Variants in MAGI2 observed in about 807,000 individuals in gnomAD.
The protein encoded by MAGI2 is membrane-associated guanylate kinase, WW and PDZ domain-containing protein 2.
Under a neutral mutation model 133.3 loss-of-function variants are expected in MAGI2, and 35 were observed. That is an observed-to-expected ratio of 0.26 (90% CI 0.20 to 0.35). MAGI2 has a LOEUF of 0.35. MAGI2 is among the 10% of genes least tolerant of loss of function. The probability of loss-of-function intolerance (pLI) is 1.00; values close to 1 mark genes in which losing one functional copy is unlikely to be tolerated. For synonymous variants in MAGI2, 729 were observed against 710.6 expected (o/e 1.03, Z -0.41); for missense variants, 1,636 against 1,863.4 (o/e 0.88, Z 2.25).
chr7:78,356,862 T>C (rs1792136288), intron 7 of MAGI2, among the ~76,000 whole-genome samples: 1 of 152,218 alleles, frequency 6.6e-6, no homozygotes, highest in African/African-American at 2.4e-5. Flanking sequence ...CCACTTCCAA[T>C]GAGTCTGAGT....
chr7:79,071,431 G>A (rs1814957315), intron 1 of MAGI2, among the ~76,000 whole-genome samples: 1 of 152,080 alleles, frequency 6.6e-6, no homozygotes, highest in Non-Finnish European at 1.5e-5. Flanking sequence ...GGGGGTCAGG[G>A]ACCCACTTGA....
intron 1 of MAGI2, among the ~76,000 whole-genome samples, chr7:79,113,284 G>A (rs573059985): frequency 6.6e-6 from 1 of 152,294 alleles, no homozygotes; most frequent in East Asian, 1.9e-4. Context: ...AACAGTGGCA[G>A]TGCCAACCTT....
intron 21 of MAGI2, among the ~76,000 whole-genome samples, chr7:78,052,083 C>T (rs1812067462): frequency 6.6e-6 from 1 of 152,054 alleles, no homozygotes; most frequent in Admixed American, 6.5e-5. Flanking sequence ...GCTGCCCAGA[C>T]TGGTCTTGAA....
At chr7:78,430,073 A>G (rs1799648532) in intron 6 of MAGI2, among the ~76,000 whole-genome samples, 1 of 152,106 alleles carries the variant, frequency 6.6e-6, no homozygotes, top group East Asian at 1.9e-4. Flanking sequence ...TCATTTGGCT[A>G]TCTTGTTAAA....
At position 78,698,206 on chromosome 7, in the gene MAGI2, C is replaced by G. The variant is rs548182853; in HGVS notation, c.419-70967G>C. 3.3e-5 allele frequency among the ~76,000 whole-genome samples: 5 copies of G among 152,318 alleles called. No homozygotes were observed. The South Asian group carries it at 1.0e-3, about 32-fold the overall frequency. ...GTGAAATCAAATGAGTTTGTCAAAA[C>G]TGTGCTGATCAAATAAAATCTTCCT... On this transcript the variant is annotated intron_variant, in intron 2 of 21. Coordinates refer to ENST00000354212, the MANE Select transcript of MAGI2 (RefSeq NM_012301.4).
At chr7:79,347,090 G>A (rs1285535460) in intron 1 of MAGI2, among the ~76,000 whole-genome samples, 1 of 151,818 alleles carries the variant, frequency 6.6e-6, no homozygotes, top group Non-Finnish European at 1.5e-5. Context: ...GTTAATTCGA[G>A]AGTGTTCATC....
At chr7:79,230,288 G>A (rs1831248995) in intron 1 of MAGI2, among the ~76,000 whole-genome samples, 1 of 151,750 alleles carries the variant, frequency 6.6e-6, no homozygotes, top group Admixed American at 6.6e-5. Flanking sequence ...ATGATTTCTA[G>A]TCCTTTGGGT....
At chr7:79,274,912 T>C (rs1248170101) in intron 1 of MAGI2, among the ~76,000 whole-genome samples, 1 of 152,174 alleles carries the variant, frequency 6.6e-6, no homozygotes, top group Non-Finnish European at 1.5e-5. Flanking sequence ...TGGGGCACCA[T>C]GAACCATGCC....
intron 9 of MAGI2, among the ~76,000 whole-genome samples, chr7:78,292,495 A>T (rs1796819802): frequency 6.6e-6 from 1 of 152,220 alleles, no homozygotes; most frequent in Non-Finnish European, 1.5e-5. Context: ...TATCGTGAAA[A>T]TGGCCATACT....
At chr7:79,113,754 C>A (rs191766580) in intron 1 of MAGI2, among the ~76,000 whole-genome samples, 3 of 151,580 alleles carry the variant, frequency 2.0e-5, no homozygotes, top group Non-Finnish European at 1.5e-5. Context: ...GTGAAGATTG[C>A]GTGTATTCTG....
At chr7:78,989,088 A>G (rs1805524950) in intron 2 of MAGI2, among the ~76,000 whole-genome samples, 1 of 152,224 alleles carries the variant, frequency 6.6e-6, no homozygotes, top group East Asian at 1.9e-4. Context: ...AAACTGTACT[A>G]GTAGAAAAAT....
At chr7:78,376,086 A>C (rs1794424204) in intron 6 of MAGI2, among the ~76,000 whole-genome samples, 2 of 152,124 alleles carry the variant, frequency 1.3e-5, no homozygotes, top group South Asian at 4.1e-4. Flanking sequence ...AATGAAAGCT[A>C]ACCACAGTCC....
chr7:78,629,077 A>G (rs1256040319), intron 2 of MAGI2, among the ~76,000 whole-genome samples: 1 of 152,120 alleles, frequency 6.6e-6, no homozygotes, highest in African/African-American at 2.4e-5. Flanking sequence ...GGCAATTTCC[A>G]GGGCTGCTGA....
intron 2 of MAGI2, among the ~76,000 whole-genome samples, chr7:78,796,553 C>G (rs1007548754): frequency 6.6e-6 from 1 of 152,056 alleles, no homozygotes; most frequent in Non-Finnish European, 1.5e-5. Flanking sequence ...TAATGTAGTG[C>G]AGTCATTATC....
chr7:79,331,358 T>A (rs1052493101), intron 1 of MAGI2, among the ~76,000 whole-genome samples: 2 of 152,126 alleles, frequency 1.3e-5, no homozygotes, highest in Non-Finnish European at 2.9e-5. Flanking sequence ...ACTGTCAACC[T>A]CAGATACTAG....
At chr7:79,028,330 T>C (rs113803720) in intron 1 of MAGI2, among the ~76,000 whole-genome samples, 17 of 25,184 alleles carry the variant, frequency 6.8e-4, no homozygotes, top group African/African-American at 1.5e-3. Flanking sequence ...TATATATACA[T>C]ATATATACAC....
intron 1 of MAGI2, among the ~76,000 whole-genome samples, chr7:79,281,152 A>G (rs904343408): frequency 3.9e-5 from 6 of 152,098 alleles, no homozygotes; most frequent in Non-Finnish European, 8.8e-5. Flanking sequence ...GATAACCAAG[A>G]GTTAGGCATA....
At chr7:79,292,704 T>C (rs1432684930) in intron 1 of MAGI2, among the ~76,000 whole-genome samples, 3 of 147,670 alleles carry the variant, frequency 2.0e-5, no homozygotes, top group Admixed American at 7.0e-5. Context: ...TTTTCAGGAT[T>C]GTTTTGCCTA....
At chr7:78,941,918 C>T (rs1213234433) in intron 2 of MAGI2, among the ~76,000 whole-genome samples, 3 of 152,086 alleles carry the variant, frequency 2.0e-5, no homozygotes, top group Non-Finnish European at 4.4e-5. Flanking sequence ...TAAAACTCAT[C>T]TCCATCACAT....
Sources: allele counts gnomAD v4.1 joint callset (sites outside exome capture counted in the v4.1 genomes callset), GRCh38; gene constraint gnomAD v4.1.1; transcripts MANE v1.5; gene names NCBI Gene and HGNC (gene_info 2026-07-23, HGNC 2026-07-21).